MAGI2: variants seen among roughly 807,000 people sequenced by gnomAD.
MAGI2 encodes membrane-associated guanylate kinase, WW and PDZ domain-containing protein 2.
A neutral mutation model predicts 133.3 loss-of-function variants in MAGI2; 35 were observed. The observed-to-expected ratio is 0.26, with a 90% CI of 0.20 to 0.35. The LOEUF (loss-of-function observed/expected upper bound fraction) is 0.35. Ranked by LOEUF, MAGI2 falls within the 10% of genes least tolerant of loss-of-function variation. The probability of loss-of-function intolerance (pLI) is 1.00; values close to 1 mark genes in which losing one functional copy is unlikely to be tolerated. For missense variants in MAGI2, 1,636 were observed against 1,863.4 expected (o/e 0.88, Z 2.25); for synonymous variants, 729 against 710.6 (o/e 1.03, Z -0.41).
chr7:79,154,975 T>C (rs907385415), intron 1 of MAGI2, among the ~76,000 whole-genome samples: 6 of 152,336 alleles, frequency 3.9e-5, no homozygotes, highest in Admixed American at 6.5e-5. Flanking sequence ...TCCTTTTCCT[T>C]ACGTTTGTTC....
chr7:79,092,574 C>T (rs954069164), intron 1 of MAGI2, among the ~76,000 whole-genome samples: 1 of 152,110 alleles, frequency 6.6e-6, no homozygotes, highest in African/African-American at 2.4e-5. Context: ...GAATTGAGGG[C>T]TATTAACTTC....
chr7:78,654,734 T>C (rs867389850), intron 2 of MAGI2, among the ~76,000 whole-genome samples: 1,708 of 82,768 alleles, frequency 0.021, 29 homozygotes, highest in Non-Finnish European at 0.033. Context: ...TATATATATA[T>C]ATATATATAT....
chr7:79,026,219 T>C (rs1469615082), intron 1 of MAGI2, among the ~76,000 whole-genome samples: 2 of 152,290 alleles, frequency 1.3e-5, no homozygotes, highest in Non-Finnish European at 2.9e-5. Flanking sequence ...ATCAAATATA[T>C]TCTCTATTGC....
intron 2 of MAGI2, among the ~76,000 whole-genome samples, chr7:78,932,381 G>A (rs773358878): frequency 1.4e-4 from 22 of 152,224 alleles, no homozygotes; most frequent in Non-Finnish European, 3.1e-4. Context: ...AAACTGGGAA[G>A]CAGTGCAAGT....
At chr7:78,911,589 C>T (rs1798401709) in intron 2 of MAGI2, among the ~76,000 whole-genome samples, 1 of 151,880 alleles carries the variant, frequency 6.6e-6, no homozygotes, top group African/African-American at 2.4e-5. Context: ...AGTTACCCAG[C>T]CTCTGCTATT....
At chr7:78,573,266 A>T (rs866703033) in intron 3 of MAGI2, among the ~76,000 whole-genome samples, 3 of 24,250 alleles carry the variant, frequency 1.2e-4, no homozygotes, top group African/African-American at 3.7e-4. Context: ...AAATATAAAT[A>T]TATATAAATA....
At chr7:78,568,086 T>A (rs973849865) in intron 3 of MAGI2, 2 of 152,250 alleles carry the variant, frequency 1.3e-5, no homozygotes, top group African/African-American at 4.8e-5. Context: ...ACACTCCTTG[T>A]CTTCTTACTT....
intron 1 of MAGI2, among the ~76,000 whole-genome samples, chr7:79,066,964 C>T (rs1305492678): frequency 6.6e-6 from 1 of 151,980 alleles, no homozygotes; most frequent in Non-Finnish European, 1.5e-5. Context: ...TTCCATTGGT[C>T]TATATATCTG....
Position 78,018,005 on chromosome 7 carries a change from T to C in MAGI2, c.*1310A>G, listed in dbSNP as rs4473963. 0.58 allele frequency: 87,999 copies of C among 152,132 alleles called. 26,722 individuals are homozygous for C. The highest frequency in any genetic ancestry group is 0.68 in the Non-Finnish European group (46,318 of 67,984). The allele number at this position is 152,132 out of a possible 1,614,324, so 9.4% of individuals were successfully genotyped here. ...AGCTACAGTAAGTACCAATGGCTAATTAATTGAAGCTAACATTTTACAAAG... is the reference window on the plus strand; with the variant it reads ...AGCTACAGTAAGTACCAATGGCTAACTAATTGAAGCTAACATTTTACAAAG... On this transcript the variant is annotated 3_prime_UTR_variant, in exon 22 of 22. Coordinates refer to ENST00000354212, the MANE Select transcript of MAGI2 (RefSeq NM_012301.4).
At chr7:78,521,666 T>C (rs1301999953) in intron 3 of MAGI2, 21 bp from the exon 4 acceptor site, 2 of 1,596,214 alleles carry the variant, frequency 1.3e-6, no homozygotes, top group Non-Finnish European at 1.7e-6. Context: ...TACCAAAACA[T>C]TCTTGGAGTT....
chr7:78,967,028 C>T (rs1803376377), intron 2 of MAGI2, among the ~76,000 whole-genome samples: 1 of 151,846 alleles, frequency 6.6e-6, no homozygotes, highest in Non-Finnish European at 1.5e-5. Flanking sequence ...GGCTTGAACT[C>T]CTGGGATTAA....
intron 1 of MAGI2, among the ~76,000 whole-genome samples, chr7:79,448,960 A>C (rs1242677489): frequency 6.6e-6 from 1 of 152,154 alleles, no homozygotes; most frequent in Non-Finnish European, 1.5e-5. Flanking sequence ...TTATGCCCCA[A>C]GAGAACCGTC....
chr7:78,518,595 A>G (rs1796235933), intron 4 of MAGI2: 1 of 152,174 alleles, frequency 6.6e-6, no homozygotes, highest in South Asian at 2.1e-4. Flanking sequence ...TGTTACCTCA[A>G]TATGTTTTTT....
chr7:78,149,984 C>T (rs1394414250), intron 16 of MAGI2, among the ~76,000 whole-genome samples: 1 of 152,192 alleles, frequency 6.6e-6, no homozygotes, highest in Non-Finnish European at 1.5e-5. Flanking sequence ...TGATCTGACT[C>T]ATCACCCAGA....
chr7:78,049,613 G>A (rs1000461197), intron 21 of MAGI2, among the ~76,000 whole-genome samples: 1 of 152,106 alleles, frequency 6.6e-6, no homozygotes, highest in Non-Finnish European at 1.5e-5. Flanking sequence ...AGTGGCTCGC[G>A]GTAGAACCCC....
At chr7:78,566,091 T>C (rs1269765500) in intron 3 of MAGI2, among the ~76,000 whole-genome samples, 1 of 152,162 alleles carries the variant, frequency 6.6e-6, no homozygotes, top group Non-Finnish European at 1.5e-5. Context: ...GCAGGGGAAT[T>C]GAGAAAGTCA....
At chr7:78,526,745 C>T (rs983398401) in intron 3 of MAGI2, among the ~76,000 whole-genome samples, 2 of 151,966 alleles carry the variant, frequency 1.3e-5, no homozygotes, top group African/African-American at 4.8e-5. Context: ...TGCCGTGGCT[C>T]ACGCCTGTAA....
chr7:79,224,515 C>T (rs1202770633), intron 1 of MAGI2, among the ~76,000 whole-genome samples: 3 of 152,008 alleles, frequency 2.0e-5, no homozygotes, highest in African/African-American at 7.3e-5. Context: ...AAAGCCTGTA[C>T]ATAAATGCTT....
At chr7:79,139,082 G>A (rs1292056868) in intron 1 of MAGI2, among the ~76,000 whole-genome samples, 1 of 151,808 alleles carries the variant, frequency 6.6e-6, no homozygotes, top group Non-Finnish European at 1.5e-5. Flanking sequence ...TACAAGCTAA[G>A]GGGAGAGGCC....
Sources: gnomAD v4.1 joint callset for allele counts (sites outside exome capture counted in the v4.1 genomes callset) on GRCh38, gnomAD v4.1.1 for gene constraint, MANE v1.5 for transcripts, NCBI Gene and HGNC (gene_info 2026-07-23, HGNC 2026-07-21) for gene names.